Variants in XPNPEP2 observed in about 807,000 individuals in gnomAD.
The protein encoded by XPNPEP2 is xaa-Pro aminopeptidase 2.
XPNPEP2 carries 64 observed loss-of-function variants against 59.8 expected under a neutral mutation model. The observed-to-expected ratio is 1.07, with a 90% CI of 0.87 to 1.32. XPNPEP2 has a LOEUF of 1.32. Ranked by LOEUF, XPNPEP2 falls within the 40% of genes most tolerant of loss-of-function variation. XPNPEP2 has a pLI of 0.00. For synonymous variants in XPNPEP2, 235 were observed against 210.0 expected (o/e 1.12, Z -1.03); for missense variants, 575 against 546.8 (o/e 1.05, Z -0.51).
chrX:129,751,871 C>A, intron 9 of XPNPEP2, 45 bp downstream of exon 9: 1 of 1,147,893 alleles, frequency 8.7e-7, no homozygotes. Flanking sequence ...TCTCCAACTT[C>A]CACCCTCTTG....
intron 14 of XPNPEP2, among the ~76,000 whole-genome samples, chrX:129,757,899 GAAAGAAAGAAAGAAAGAA>G (rs1926579223): frequency 5.9e-5 from 1 of 17,002 alleles, no homozygotes; most frequent in Non-Finnish European, 1.4e-4. Flanking sequence ...GAGAGAGAAA[GAAAGAAAGAAAGAAAGAA>G]AGAAAGAAAG....
intron 15 of XPNPEP2, 117 bp downstream of exon 15, chrX:129,759,357 C>A: frequency 1.1e-6 from 1 of 899,644 alleles, no homozygotes; most frequent in Non-Finnish European, 1.6e-6. Context: ...AGTAGTTTGC[C>A]CAAGGTGACA....
At chrX:129,756,387 C>A in intron 13 of XPNPEP2, 97 bp from the exon 14 acceptor site, 1 of 886,687 alleles carries the variant, frequency 1.1e-6, no homozygotes, top group Non-Finnish European at 1.7e-6. Context: ...AGGGACTGGC[C>A]TGGAAGCCCA....
intron 15 of XPNPEP2, 26 bp from the exon 16 acceptor site, chrX:129,760,486 A>G (rs2124045314): frequency 3.3e-6 from 4 of 1,204,775 alleles, no homozygotes; most frequent in Non-Finnish European, 4.5e-6. Flanking sequence ...CCCGTCCTCC[A>G]TATCACCTCT....
chrX:129,764,315 C>T (rs1410507231), intron 19 of XPNPEP2, among the ~76,000 whole-genome samples: 1 of 109,666 alleles, frequency 9.1e-6, no homozygotes, highest in Admixed American at 9.7e-5. Flanking sequence ...CTAAAATTAA[C>T]ACCAAATGGT....
At chrX:129,741,338 A>G (rs966467301) in intron 1 of XPNPEP2, among the ~76,000 whole-genome samples, 2 of 112,086 alleles carry the variant, frequency 1.8e-5, no homozygotes, top group Non-Finnish European at 3.8e-5. Context: ...TTGTATTAAG[A>G]TGGCCTGGGT....
chrX:129,746,484 C>A (rs1303975300), intron 5 of XPNPEP2, 111 bp from the exon 6 acceptor site: 3 of 956,816 alleles, frequency 3.1e-6, no homozygotes, highest in Non-Finnish European at 4.5e-6. Flanking sequence ...ACTTTCAAGG[C>A]TGATCTCAAG....
chrX:129,757,935 G>A (rs1184078398), intron 14 of XPNPEP2, among the ~76,000 whole-genome samples: 1 of 106,528 alleles, frequency 9.4e-6, no homozygotes, highest in Admixed American at 1.0e-4. Flanking sequence ...AAGAAAGAAA[G>A]AAAGAAAGAA....
Position 129,755,364 on chromosome X carries a change from C to G in XPNPEP2, c.1288C>G (p.His430Asp), listed in dbSNP as rs1379630509. Residue 430 changes from histidine to aspartate, a missense_variant, in exon 13 of 21, where the codon CAC (histidine) becomes GAC (aspartate). Transcript: ENST00000371106. ...SASGLNAALA[H>D]YSPTKELNRK... The stretch of plus-strand genomic sequence containing the variant: ...TAGTGGTCTGAATGCTGCCCTGGCC[C>G]ACTACAGGTACTTGAGGAAAAAGAA... 4.1e-6 allele frequency: 5 copies of G among 1,211,114 alleles called. No individual in the cohort carries two copies. The highest frequency in any genetic ancestry group is 4.6e-4 in the Middle Eastern group (2 of 4,352).
chrX:129,750,334 A>G lies in XPNPEP2; in HGVS notation c.638-134A>G, dbSNP rs1042243003. The G allele has an allele frequency of 8.6e-6, 4 of 464,065 alleles. No homozygotes were observed. In the African/African-American group the frequency reaches 9.8e-5, roughly 11 times the overall value. 38.2% of individuals were successfully genotyped at this position (464,065 alleles called of 1,213,427 possible). Reference sequence around the variant, plus strand: ...TGTCATTAATGAGTACACAAGTAAGAGTTTGTTTGAGGAAAGGGTTTCGCT... The same window carrying G: ...TGTCATTAATGAGTACACAAGTAAGGGTTTGTTTGAGGAAAGGGTTTCGCT... On this transcript the variant is annotated intron_variant, in intron 7 of 20. Coordinates refer to ENST00000371106, the MANE Select transcript of XPNPEP2 (RefSeq NM_003399.6).
In XPNPEP2 at chrX:129,768,340, C is replaced by T. The variant is rs148480308; in HGVS notation, c.1880C>T (p.Pro627Leu). Residue 627 changes from proline (P) to leucine (L), a missense_variant, in exon 21 of 21, where the codon CCA (proline) becomes CTA (leucine). By Grantham distance (98) the Pro-to-Leu change is moderately conservative. Transcript: ENST00000371106. ...CAGACCATCCGGGAGAAGGTGGGTC[C>T]AGAGCTGCAGAGGCGCCAGCTACTA... ...YYQTIREKVG[P>L]ELQRRQLLEE... The T allele has an allele frequency of 6.6e-5, 79 of 1,203,123 alleles. No individual in the cohort carries two copies. Among genetic ancestry groups the T allele is most frequent in the Non-Finnish European group, 8.5e-5 (76 of 892,376 alleles).
chrX:129,764,655 CA>C (rs36050746), intron 19 of XPNPEP2, among the ~76,000 whole-genome samples: 27,564 of 79,849 alleles, frequency 0.35, 3,902 homozygotes, highest in African/African-American at 0.48. Context: ...AACTCTGTCT[CA>C]AAAAAAAAAA....
rs759943012 is a variant in XPNPEP2 at position 129,746,630 on chromosome X, G to A, written c.439G>A (p.Glu147Lys). Residue 147 changes from glutamate (E) to lysine (K), a missense_variant, in exon 6 of 21, where the codon GAG becomes AAG. Transcript: ENST00000371106. ...TTPIVTWLLT[E>K]IPAGGRVGFD... ...TCCTATTGTCACCTGGCTCCTCACC[G>A]AGATTCCTGCTGGAGGGCGTGTGGG... 4.1e-5 allele frequency: 50 copies of A among 1,208,334 alleles called. No individual in the cohort carries two copies. Among genetic ancestry groups the A allele is most frequent in the Middle Eastern group, 2.3e-4 (1 of 4,355 alleles).
chrX:129,753,583 C>A (rs1297110993), intron 11 of XPNPEP2, among the ~76,000 whole-genome samples: 1 of 110,793 alleles, frequency 9.0e-6, no homozygotes, highest in Non-Finnish European at 1.9e-5. Flanking sequence ...GTAGAGGTTG[C>A]AATGAGCTGA....
At chrX:129,761,620 G>C (rs1926657721) in intron 17 of XPNPEP2, among the ~76,000 whole-genome samples, 1 of 112,222 alleles carries the variant, frequency 8.9e-6, no homozygotes, top group African/African-American at 3.2e-5. Context: ...CCAGGAGTTT[G>C]AGATCAGCCT....
At chrX:129,754,279 C>T (rs188607205) in intron 11 of XPNPEP2, among the ~76,000 whole-genome samples, 193 bp from the exon 12 acceptor site, 39 of 112,488 alleles carry the variant, frequency 3.5e-4, no homozygotes, top group African/African-American at 1.3e-3. Flanking sequence ...CTGCCGTCAA[C>T]ACAGAACTCT....
intron 14 of XPNPEP2, among the ~76,000 whole-genome samples, chrX:129,757,796 G>GAAAGAAAGA (rs1401705150): frequency 1.5e-4 from 5 of 33,435 alleles, no homozygotes; most frequent in Admixed American, 5.4e-4. Context: ...ACTATAAAAG[G>GAAAGAAAGA]AAGAAAGAAA....
intron 19 of XPNPEP2, among the ~76,000 whole-genome samples, chrX:129,763,855 T>C (rs1306145602): frequency 1.8e-5 from 2 of 110,225 alleles, no homozygotes; most frequent in Non-Finnish European, 3.8e-5. Context: ...AAGCTGATTT[T>C]GCAAAAAAGT....
intron 10 of XPNPEP2, among the ~76,000 whole-genome samples, chrX:129,752,609 A>C (rs755474212): frequency 8.9e-6 from 1 of 112,409 alleles, no homozygotes; most frequent in African/African-American, 3.2e-5. Flanking sequence ...CCAAACTTGA[A>C]AATGAATTCC....
Sources: allele counts gnomAD v4.1 joint callset (sites outside exome capture counted in the v4.1 genomes callset), GRCh38; gene constraint gnomAD v4.1.1; transcripts MANE v1.5; gene names NCBI Gene and HGNC (gene_info 2026-07-23, HGNC 2026-07-21).